ANXA2: variants seen among roughly 807,000 people sequenced by gnomAD.
ANXA2 encodes annexin A2.
ANXA2 carries 28 observed loss-of-function variants against 47.3 expected under a neutral mutation model. The observed-to-expected ratio is 0.59, with a 90% CI of 0.44 to 0.81. The LOEUF (loss-of-function observed/expected upper bound fraction) is 0.81. Ranked by LOEUF, ANXA2 falls within the 40% of genes least tolerant of loss-of-function variation. The pLI is 0.00. For synonymous variants in ANXA2, 172 were observed against 155.5 expected (o/e 1.11, Z -0.79); for missense variants, 384 against 414.3 (o/e 0.93, Z 0.64).
At chr15:60,366,457 C>T (rs1489246510) in intron 3 of ANXA2, among the ~76,000 whole-genome samples, 4 of 150,372 alleles carry the variant, frequency 2.7e-5, no homozygotes, top group African/African-American at 7.4e-5. Context: ...TCTGCCCCAC[C>T]GCCCTGTCTG....
chr15:60,351,704 T>C lies in ANXA2; in HGVS notation c.778+20A>G, dbSNP rs1896018714. 6.6e-7 allele frequency: 1 copy of C among 1,511,336 alleles called. No individual in the cohort carries two copies. 93.6% of individuals were successfully genotyped at this position (1,511,336 alleles called of 1,614,324 possible). ...TCTGGTAGCTGATGTCTACCAGGAA[T>C]GGGGGCCACATTCACTTACCCAGGT... On this transcript the variant is annotated intron_variant, in intron 10 of 12. Transcript: ENST00000451270.
intron 5 of ANXA2, among the ~76,000 whole-genome samples, 156 bp from the exon 6 acceptor site, chr15:60,357,392 G>C (rs541113115): frequency 1.1e-4 from 16 of 152,016 alleles, no homozygotes; most frequent in Non-Finnish European, 2.2e-4. Flanking sequence ...CTACCCCTTA[G>C]CACAAAGTAA....
intron 1 of ANXA2, among the ~76,000 whole-genome samples, chr15:60,389,657 C>T (rs1173022312): frequency 6.6e-6 from 1 of 152,210 alleles, no homozygotes; most frequent in African/African-American, 2.4e-5. Context: ...AACTAAATCT[C>T]CCCATTTAAT....
rs766294564 is a variant in ANXA2 at position 60,382,354 on chromosome 15, T to C, written c.136A>G (p.Ile46Val). The C allele has an allele frequency of 6.2e-7, 1 of 1,613,630 alleles. No individual in the cohort carries two copies. The highest frequency in any genetic ancestry group is 1.1e-5 in the South Asian group (1 of 91,078). ...ERDALNIETAIKTKGVDEVTI... is the reference protein window; with the variant it reads ...ERDALNIETAVKTKGVDEVTI... ...ATGTATCACCTACCTTTGGTCTTGATGGCTGTTTCAATGTTCAAAGCATCC... is the reference window on the plus strand; with the variant it reads ...ATGTATCACCTACCTTTGGTCTTGACGGCTGTTTCAATGTTCAAAGCATCC... The change falls in exon 3 of 13, where the codon ATC (isoleucine) becomes GTC (valine). Residue 46 changes from isoleucine (I) to valine (V), a missense_variant. Ile to Val is a conservative substitution (Grantham distance 29). Transcript: ENST00000451270.
chr15:60,373,603 C>G (rs567828795), intron 3 of ANXA2, among the ~76,000 whole-genome samples: 1 of 152,258 alleles, frequency 6.6e-6, no homozygotes, highest in Non-Finnish European at 1.5e-5. Flanking sequence ...CTGACAGATG[C>G]CAGGGGAGGC....
chr15:60,349,233 G>A (rs1400724948), intron 11 of ANXA2, 36 bp from the exon 12 acceptor site: 1 of 1,610,542 alleles, frequency 6.2e-7, no homozygotes, highest in Non-Finnish European at 8.5e-7. Context: ...CATTCGCTGA[G>A]AATGTTATCG....
intron 3 of ANXA2, among the ~76,000 whole-genome samples, chr15:60,381,722 A>C (rs2062862414): frequency 1.3e-5 from 2 of 152,128 alleles, no homozygotes; most frequent in Non-Finnish European, 2.9e-5. Flanking sequence ...AAACAAAAAA[A>C]GTCTGAATTT....
At chr15:60,391,666 T>G (rs914308401) in intron 1 of ANXA2, among the ~76,000 whole-genome samples, 3 of 152,236 alleles carry the variant, frequency 2.0e-5, no homozygotes, top group Non-Finnish European at 4.4e-5. Flanking sequence ...CTGACTTCAG[T>G]GTACTTACTG....
intron 12 of ANXA2, among the ~76,000 whole-genome samples, chr15:60,348,375 G>C (rs1349806625): frequency 3.9e-5 from 6 of 152,210 alleles, no homozygotes; most frequent in Non-Finnish European, 8.8e-5. Flanking sequence ...AAACTGATTG[G>C]AGAGATGGGA....
rs115915047 is a variant in ANXA2 at position 60,393,545 on chromosome 15, C to T, written c.-12+4398G>A. On this transcript the variant is annotated intron_variant, in intron 1 of 12. Coordinates refer to ENST00000451270, the MANE Select transcript of ANXA2 (RefSeq NM_004039.3). ...ACACACACACATGCATACACGCATC[C>T]TGCACAGAAGAGTTAACTGGACTGT... The T allele has an allele frequency of 7.0e-4, 695 of 985,902 alleles. 6 individuals are homozygous for T. The African/African-American group carries it at 0.011, about 15-fold the overall frequency. The allele number at this position is 985,902 out of a possible 1,614,324, so 61.1% of individuals were successfully genotyped here.
chr15:60,361,155 G>A, intron 4 of ANXA2, 101 bp from the exon 5 acceptor site: 1 of 806,630 alleles, frequency 1.2e-6, no homozygotes, highest in Non-Finnish European at 2.1e-6. Context: ...CAGGTTGTGA[G>A]TCTTTGACCA....
intron 1 of ANXA2, among the ~76,000 whole-genome samples, chr15:60,397,526 G>C (rs1183531392): frequency 2.6e-5 from 4 of 152,180 alleles, no homozygotes; most frequent in Non-Finnish European, 4.4e-5. Flanking sequence ...CTAGAGGGCA[G>C]TGGAAAGCCC....
chr15:60,365,545 CAG>C (rs1420950495), intron 3 of ANXA2, among the ~76,000 whole-genome samples: 5 of 152,144 alleles, frequency 3.3e-5, no homozygotes, highest in Admixed American at 1.3e-4. Context: ...TGAAGAAAAT[CAG>C]AGGAGTCCTG....
intron 1 of ANXA2, among the ~76,000 whole-genome samples, chr15:60,390,866 A>C (rs1227605704): frequency 6.6e-6 from 1 of 152,208 alleles, no homozygotes; most frequent in African/African-American, 2.4e-5. Flanking sequence ...TTTGCGATTC[A>C]CTGTTTGTTA....
chr15:60,366,762 A>G (rs1595681030), intron 3 of ANXA2, among the ~76,000 whole-genome samples: 1 of 59,428 alleles, frequency 1.7e-5, no homozygotes, highest in Non-Finnish European at 3.2e-5. Flanking sequence ...GGAAGTGAGG[A>G]GCCCCTCTGC....
At chr15:60,351,323 C>T (rs1244392387) in intron 10 of ANXA2, 72 bp from the exon 11 acceptor site, 5 of 1,521,672 alleles carry the variant, frequency 3.3e-6, no homozygotes, top group Non-Finnish European at 4.6e-6. Flanking sequence ...AGAGGATGCC[C>T]TGGCCCTGGG....
At chr15:60,390,162 GAAA>G (rs910360897) in intron 1 of ANXA2, 3 of 510,852 alleles carry the variant, frequency 5.9e-6, no homozygotes, top group East Asian at 1.4e-4. Context: ...CCATTTTGCA[GAAA>G]AAAAAAACAA....
At chr15:60,371,871 G>C (rs1002254725) in intron 3 of ANXA2, among the ~76,000 whole-genome samples, 1 of 152,190 alleles carries the variant, frequency 6.6e-6, no homozygotes, top group Non-Finnish European at 1.5e-5. Flanking sequence ...GTAACCTTTT[G>C]CCGGGCGCGG....
At chr15:60,397,301 G>A in intron 1 of ANXA2, 2 of 985,572 alleles carry the variant, frequency 2.0e-6, no homozygotes, top group Non-Finnish European at 1.2e-6. Flanking sequence ...AACTCTCCGG[G>A]TAGAGTGAAA....
Sources: gnomAD v4.1 joint callset for allele counts (sites outside exome capture counted in the v4.1 genomes callset) on GRCh38, gnomAD v4.1.1 for gene constraint, MANE v1.5 for transcripts, NCBI Gene and HGNC (gene_info 2026-07-23, HGNC 2026-07-21) for gene names.